The following DENND5B variants were observed in gnomAD, a reference collection of about 807,000 sequenced individuals.
The protein encoded by DENND5B is DENN domain-containing protein 5B.
In DENND5B, 34 loss-of-function variants were observed where a neutral mutation model predicts 140.6. The ratio of observed to expected loss-of-function variants is 0.24; its 90% CI spans 0.18 to 0.32. The LOEUF (loss-of-function observed/expected upper bound fraction) is 0.32, where lower values mean the gene tolerates loss of function less well. Ranked by LOEUF, DENND5B falls within the 10% of genes least tolerant of loss-of-function variation. The pLI is 1.00. For missense variants in DENND5B, 1,142 were observed against 1,560.2 expected (o/e 0.73, Z 4.52); for synonymous variants, 551 against 562.1 (o/e 0.98, Z 0.28).
chr12:31,427,423 G>A (rs1943291021), intron 8 of DENND5B, among the ~76,000 whole-genome samples: 1 of 20,642 alleles, frequency 4.8e-5, no homozygotes. Flanking sequence ...TGGCCAACAT[G>A]GTTAAAACCC....
chr12:31,543,262 G>A (rs1330496105), intron 1 of DENND5B, among the ~76,000 whole-genome samples: 1 of 152,132 alleles, frequency 6.6e-6, no homozygotes, highest in African/African-American at 2.4e-5. Context: ...AAACTGCTAC[G>A]TAGAGTTTCC....
At chr12:31,486,199 GA>G (rs1048491426) in intron 2 of DENND5B, among the ~76,000 whole-genome samples, 1 of 152,208 alleles carries the variant, frequency 6.6e-6, no homozygotes, top group Non-Finnish European at 1.5e-5. Flanking sequence ...CTGCCCTCAT[GA>G]AAGGATTCGT....
chr12:31,515,525 A>C (rs1157391451), intron 1 of DENND5B, among the ~76,000 whole-genome samples: 2 of 152,118 alleles, frequency 1.3e-5, no homozygotes, highest in African/African-American at 4.8e-5. Flanking sequence ...ATGGTGGGTA[A>C]ATTTTATTGC....
chr12:31,505,112 C>A (rs141017805), intron 1 of DENND5B, among the ~76,000 whole-genome samples: 2 of 152,068 alleles, frequency 1.3e-5, no homozygotes, highest in East Asian at 3.9e-4. Context: ...TATTTGTGTT[C>A]GTTTTGACTT....
At chr12:31,458,837 G>A (rs1429353733) in intron 4 of DENND5B, among the ~76,000 whole-genome samples, 1 of 152,164 alleles carries the variant, frequency 6.6e-6, no homozygotes, top group Non-Finnish European at 1.5e-5. Flanking sequence ...ATCATCTTAT[G>A]TTTTGTAAAA....
At chr12:31,412,952 G>A (rs1046852063) in intron 13 of DENND5B, among the ~76,000 whole-genome samples, 10 of 151,556 alleles carry the variant, frequency 6.6e-5, no homozygotes, top group African/African-American at 2.2e-4. Flanking sequence ...AGATGGTCTT[G>A]CACTGTCGCC....
intron 5 of DENND5B, among the ~76,000 whole-genome samples, chr12:31,450,370 G>T (rs73082413): frequency 1.6e-5 from 1 of 64,498 alleles, no homozygotes; most frequent in South Asian, 5.2e-4. Context: ...ATTATCTTTT[G>T]TTTTTTTGAG....
chr12:31,485,571 T>C (rs793174), intron 2 of DENND5B, among the ~76,000 whole-genome samples: 124,221 of 152,284 alleles, frequency 0.82, 51,001 homozygotes, highest in African/African-American at 0.89. Context: ...GTAAGTATGG[T>C]TTTGTTCCAA....
intron 13 of DENND5B, among the ~76,000 whole-genome samples, chr12:31,410,010 C>G (rs1174620705): frequency 6.6e-6 from 1 of 152,178 alleles, no homozygotes; most frequent in Non-Finnish European, 1.5e-5. Flanking sequence ...TAGATTCATT[C>G]TATTTCAATT....
chr12:31,582,204 A>T (rs1340392508), intron 1 of DENND5B, among the ~76,000 whole-genome samples: 1 of 152,156 alleles, frequency 6.6e-6, no homozygotes, highest in Non-Finnish European at 1.5e-5. Context: ...TAACAGATAA[A>T]CTTAGTTTTT....
intron 17 of DENND5B, among the ~76,000 whole-genome samples, chr12:31,397,708 T>C (rs1288975783): frequency 1.3e-5 from 2 of 152,070 alleles, no homozygotes; most frequent in Non-Finnish European, 2.9e-5. Context: ...GGCAGATCGC[T>C]TGAGCTCAGA....
chr12:31,454,289 G>T (rs1944668433), intron 4 of DENND5B, among the ~76,000 whole-genome samples: 1 of 152,098 alleles, frequency 6.6e-6, no homozygotes, highest in Admixed American at 6.5e-5. Context: ...GTGACTTCCT[G>T]GCACCTGTTC....
intron 1 of DENND5B, chr12:31,534,782 C>T: frequency 2.3e-6 from 1 of 428,606 alleles, no homozygotes; most frequent in South Asian, 2.0e-5. Context: ...ACTTGTCCTC[C>T]TGGCAATATC....
At chr12:31,576,862 G>A (rs761542281) in intron 1 of DENND5B, among the ~76,000 whole-genome samples, 3 of 151,602 alleles carry the variant, frequency 2.0e-5, no homozygotes, top group Non-Finnish European at 4.4e-5. Flanking sequence ...TCACACCACT[G>A]CACTCCAGCC....
chr12:31,575,923 G>A lies in DENND5B; in HGVS notation c.127+14783C>T, dbSNP rs190784885. On this transcript the variant is annotated intron_variant, in intron 1 of 20. Coordinates refer to ENST00000389082, the MANE Select transcript of DENND5B (RefSeq NM_144973.4). ...GGAGGTTGCAGTGAGCCAAGATCAC[G>A]CCACTGCACTCCAGCCTGGGAGACA... 6.4e-3 allele frequency among the ~76,000 whole-genome samples: 971 copies of A among 152,056 alleles called. 9 individuals carry two copies. The highest frequency in any genetic ancestry group is 0.022 in the African/African-American group (923 of 41,468).
At chr12:31,558,431 C>G (rs59404161) in intron 1 of DENND5B, among the ~76,000 whole-genome samples, 22,547 of 152,096 alleles carry the variant, frequency 0.15, 1,857 homozygotes, top group East Asian at 0.25. Context: ...CTTTGATCTA[C>G]AGAAACATGT....
intron 19 of DENND5B, among the ~76,000 whole-genome samples, chr12:31,390,376 C>T (rs377166811): frequency 1.3e-5 from 2 of 152,224 alleles, no homozygotes; most frequent in African/African-American, 2.4e-5. Flanking sequence ...TGGTGGCTCA[C>T]GCCTGTAATC....
In DENND5B at chr12:31,495,880, T is replaced by G; in HGVS notation, c.167A>C (p.Lys56Thr). 1 of 1,613,042 alleles carries G rather than the reference T, an allele frequency of 6.2e-7. No homozygotes were observed. Among genetic ancestry groups the G allele is most frequent in the Non-Finnish European group, 8.5e-7 (1 of 1,179,572 alleles). The change falls in exon 2 of 21, where the codon AAA becomes ACA. Residue 56 changes from lysine to threonine, a missense_variant. Physicochemically the swap from Lys to Thr is moderately conservative, Grantham distance 78. Transcript: ENST00000389082. ...FDQSPLRRTF[K>T]SKVLAHYPQN... ...AGGATAGTGGGCGAGAACTTTGGAT[T>G]TGAATGTTCTTCTCAAAGGACTCTG... is the stretch of plus-strand genomic sequence containing the variant.
At chr12:31,390,466 C>T (rs1440815461) in intron 19 of DENND5B, among the ~76,000 whole-genome samples, 1 of 151,558 alleles carries the variant, frequency 6.6e-6, no homozygotes, top group African/African-American at 2.4e-5. Flanking sequence ...TGGTGAAACC[C>T]CATCTCTACT....
Sources: gnomAD v4.1 joint callset for allele counts (sites outside exome capture counted in the v4.1 genomes callset) on GRCh38, gnomAD v4.1.1 for gene constraint, MANE v1.5 for transcripts, NCBI Gene and HGNC (gene_info 2026-07-23, HGNC 2026-07-21) for gene names.